The following NCKAP5 variants were observed in gnomAD, a reference collection of about 807,000 sequenced individuals.
The protein encoded by NCKAP5 is NCK associated protein 5, also known as nck-associated protein 5.
A neutral mutation model predicts 167.0 loss-of-function variants in NCKAP5; 92 were observed. The ratio of observed to expected loss-of-function variants is 0.55; its 90% confidence interval spans 0.47 to 0.66. The LOEUF (loss-of-function observed/expected upper bound fraction) is 0.66. NCKAP5 is among the 30% of genes least tolerant of loss of function. The pLI is 0.00. For missense variants in NCKAP5, 2,378 were observed against 2,315.0 expected (o/e 1.03, Z -0.56); for synonymous variants, 891 against 877.4 (o/e 1.02, Z -0.27).
chr2:132,799,142 T>C (rs1370415413), intron 11 of NCKAP5, among the ~76,000 whole-genome samples: 1 of 151,996 alleles, frequency 6.6e-6, no homozygotes, highest in Non-Finnish European at 1.5e-5. Flanking sequence ...TGTGAATTAA[T>C]TCAGAAATAG....
intron 6 of NCKAP5, among the ~76,000 whole-genome samples, chr2:133,084,970 T>A (rs2080936726): frequency 2.6e-5 from 4 of 152,210 alleles, no homozygotes; most frequent in Admixed American, 2.6e-4. Flanking sequence ...ATGTTTAATA[T>A]TTTAAGCTTT....
intron 16 of NCKAP5, among the ~76,000 whole-genome samples, chr2:132,751,860 C>A (rs1016361792): frequency 2.0e-5 from 3 of 152,186 alleles, no homozygotes; most frequent in Non-Finnish European, 4.4e-5. Context: ...CTTAGATGTA[C>A]AAAGGAAGAC....
chr2:132,859,993 C>T (rs565856337), intron 11 of NCKAP5, among the ~76,000 whole-genome samples: 1 of 152,114 alleles, frequency 6.6e-6, no homozygotes, highest in East Asian at 1.9e-4. Flanking sequence ...AAAAAGACAA[C>T]CTGTAAAAAT....
At chr2:133,485,782 G>A (rs1392664814) in intron 3 of NCKAP5, among the ~76,000 whole-genome samples, 2 of 152,052 alleles carry the variant, frequency 1.3e-5, no homozygotes, top group Non-Finnish European at 2.9e-5. Context: ...CATACTGGGG[G>A]TGGGGAGGAG....
chr2:133,573,209 T>C (rs1688928159), upstream of NCKAP5, among the ~76,000 whole-genome samples: 2 of 152,158 alleles, frequency 1.3e-5, no homozygotes, highest in South Asian at 4.1e-4. Context: ...GACTAAACCA[T>C]AAAGTGAGCA....
intron 3 of NCKAP5, chr2:133,334,077 C>T (rs13392963): frequency 0.3 from 45,013 of 152,050 alleles, 7,061 homozygotes; most frequent in African/African-American, 0.39. Flanking sequence ...GTTAGTGATC[C>T]GTTGAGAGAT....
intron 2 of NCKAP5, among the ~76,000 whole-genome samples, chr2:133,548,531 C>T (rs1361929859): frequency 9.2e-5 from 14 of 151,886 alleles, no homozygotes; most frequent in South Asian, 2.1e-4. Flanking sequence ...GCGGATCTCT[C>T]GGCAGAAACC....
chr2:133,011,205 TCCC>T (rs372741255), intron 6 of NCKAP5, among the ~76,000 whole-genome samples: 202 of 152,268 alleles, frequency 1.3e-3, no homozygotes, highest in African/African-American at 4.7e-3. Context: ...TGTAAGTTTT[TCCC>T]CCCATCTCAC....
chr2:132,876,111 G>A lies in NCKAP5; in HGVS notation c.648+2737C>T, dbSNP rs184286180. On this transcript the variant is annotated intron_variant, in intron 9 of 19. Coordinates refer to ENST00000409261, the MANE Select transcript of NCKAP5 (RefSeq NM_207363.3). The stretch of plus-strand genomic sequence containing the variant: ...ATTTTGTTTATTTATTTGAGATGAG[G>A]TTTCACTCTTTCACCCAGGCTGGAA... Among the ~76,000 whole-genome samples, 305 of 152,162 alleles carry A rather than the reference G, an allele frequency of 2.0e-3. 3 individuals carry two copies. The highest frequency in any genetic ancestry group is 0.019 in the East Asian group (97 of 5,172).
chr2:133,535,900 A>G (rs1299874400), intron 2 of NCKAP5, among the ~76,000 whole-genome samples: 1 of 152,138 alleles, frequency 6.6e-6, no homozygotes, highest in Non-Finnish European at 1.5e-5. Flanking sequence ...AGAGATGTTG[A>G]GCATTTTTTC....
chr2:133,599,800 G>A, the NCKAP5 span, among the ~76,000 whole-genome samples: 19 of 152,210 alleles, frequency 1.2e-4, no homozygotes, highest in African/African-American at 2.7e-4. Context: ...ACATGTGTCC[G>A]CCTGGGAACC....
chr2:132,895,388 T>G (rs1574551313), intron 8 of NCKAP5, among the ~76,000 whole-genome samples: 4 of 148,714 alleles, frequency 2.7e-5, no homozygotes, highest in South Asian at 2.2e-4. Context: ...GATCTGGCCA[T>G]GAGAGAGAAG....
At chr2:133,153,388 A>C (rs1319757450) in intron 5 of NCKAP5, among the ~76,000 whole-genome samples, 1 of 152,140 alleles carries the variant, frequency 6.6e-6, no homozygotes, top group Non-Finnish European at 1.5e-5. Flanking sequence ...TGGGGGTGAG[A>C]GTGGAGCAGG....
chr2:133,646,685 G>A, the NCKAP5 span, among the ~76,000 whole-genome samples: 9 of 152,194 alleles, frequency 5.9e-5, no homozygotes, highest in South Asian at 1.2e-3. Flanking sequence ...AAGTAAATAG[G>A]AAAGTACAGA....
chr2:133,231,228 C>G (rs1393932321), intron 4 of NCKAP5, among the ~76,000 whole-genome samples: 1 of 152,156 alleles, frequency 6.6e-6, no homozygotes, highest in Non-Finnish European at 1.5e-5. Flanking sequence ...AAGAGTAAAA[C>G]TGATTACAAC....
At chr2:133,566,076 C>G (rs1230436189) in intron 1 of NCKAP5, among the ~76,000 whole-genome samples, 1 of 152,136 alleles carries the variant, frequency 6.6e-6, no homozygotes, top group African/African-American at 2.4e-5. Context: ...CCCCCCGCCC[C>G]TAGGTAGGAA....
intron 8 of NCKAP5, among the ~76,000 whole-genome samples, chr2:132,928,028 A>T (rs1269806513): frequency 6.6e-6 from 1 of 152,136 alleles, no homozygotes; most frequent in African/African-American, 2.4e-5. Flanking sequence ...TCCTTCCCAT[A>T]TGCTTCTCTG....
chr2:133,570,178 A>G (rs1220029788), upstream of NCKAP5, among the ~76,000 whole-genome samples: 1 of 152,220 alleles, frequency 6.6e-6, no homozygotes, highest in Non-Finnish European at 1.5e-5. Flanking sequence ...AGAACTTTGC[A>G]TATGATGAGA....
intron 8 of NCKAP5, among the ~76,000 whole-genome samples, chr2:132,951,053 C>T (rs1049364112): frequency 6.6e-6 from 1 of 152,176 alleles, no homozygotes; most frequent in Non-Finnish European, 1.5e-5. Flanking sequence ...TCCAACTGCT[C>T]ATGTTCCTTG....
Sources: gnomAD v4.1 joint callset for allele counts (sites outside exome capture counted in the v4.1 genomes callset) on GRCh38, gnomAD v4.1.1 for gene constraint, MANE v1.5 for transcripts, NCBI Gene and HGNC (gene_info 2026-07-23, HGNC 2026-07-21) for gene names.